The following C1orf198 variants were observed in gnomAD, a reference collection of about 807,000 sequenced individuals.
The protein encoded by C1orf198 is uncharacterized protein C1orf198.
A neutral mutation model predicts 31.4 loss-of-function variants in C1orf198; 17 were observed. The observed-to-expected ratio is 0.54, with a 90% CI of 0.37 to 0.81. The LOEUF is 0.81. Among genes scored for constraint, C1orf198 ranks in the 40% least tolerant of loss-of-function variants. The pLI is 0.00. For missense variants in C1orf198, 401 were observed against 450.3 expected, an observed-to-expected ratio of 0.89 and a Z score of 0.99; for synonymous variants, 175 against 193.8, an observed-to-expected ratio of 0.90 and a Z score of 0.81.
chr1:230,846,539 A>G (rs1045433488), intron 2 of C1orf198, among the ~76,000 whole-genome samples: 1 of 152,224 alleles, frequency 6.6e-6, no homozygotes, highest in Admixed American at 6.5e-5. Flanking sequence ...TGAGTCTGAG[A>G]TTTCTAAAAG....
intron 3 of C1orf198, among the ~76,000 whole-genome samples, chr1:230,841,090 T>C (rs2102970359): frequency 6.6e-6 from 1 of 152,290 alleles, no homozygotes; most frequent in South Asian, 2.1e-4. Context: ...AAGCCCTCAG[T>C]GCCGAGTCTC....
intron 2 of C1orf198, among the ~76,000 whole-genome samples, chr1:230,851,790 G>A (rs1669752523): frequency 6.6e-6 from 1 of 152,222 alleles, no homozygotes. Context: ...GTGCACAGCT[G>A]CTACTGTGAG....
At chr1:230,855,270 C>T (rs914214247) in intron 2 of C1orf198, among the ~76,000 whole-genome samples, 1 of 152,222 alleles carries the variant, frequency 6.6e-6, no homozygotes, top group African/African-American at 2.4e-5. Flanking sequence ...CAGCTCGTCA[C>T]CTCCCATTTG....
chr1:230,837,826 C>A lies in C1orf198; in HGVS notation c.*2026G>T, dbSNP rs1167871314. The stretch of plus-strand genomic sequence containing the variant: ...TTATTGCTGGGTGCTGGGCCCCAGA[C>A]GATACTAAGTGAGGCAGAAGCTTTC... On this transcript the variant is annotated 3_prime_UTR_variant, in exon 4 of 4. Coordinates refer to ENST00000366663, the MANE Select transcript of C1orf198 (RefSeq NM_032800.3). 6.6e-6 allele frequency: 1 copy of A among 152,208 alleles called. No homozygotes were observed. The highest frequency in any genetic ancestry group is 2.4e-5 in the African/African-American group (1 of 41,440). 9.4% of individuals were successfully genotyped at this position (152,208 alleles called of 1,614,324 possible). A position where few individuals can be genotyped will look rare whatever the true frequency, so the allele number is the denominator to read the frequency against.
At chr1:230,855,612 A>T in intron 2 of C1orf198, 56 bp downstream of exon 2, 1 of 1,562,014 alleles carries the variant, frequency 6.4e-7, no homozygotes, top group Non-Finnish European at 8.7e-7. Context: ...AGAAAAATAT[A>T]CAACTACTCA....
intron 1 of C1orf198, among the ~76,000 whole-genome samples, chr1:230,860,367 C>T (rs112319067): frequency 6.6e-6 from 1 of 152,010 alleles, no homozygotes; most frequent in African/African-American, 2.4e-5. Flanking sequence ...GGTATACACC[C>T]GAAAGAACTG....
At chr1:230,842,615 T>C (rs368650054) in intron 3 of C1orf198, among the ~76,000 whole-genome samples, 1 of 151,604 alleles carries the variant, frequency 6.6e-6, no homozygotes, top group East Asian at 1.9e-4. Context: ...GGGTGAGGGA[T>C]AAAAAACTAC....
In C1orf198 at chr1:230,864,454, AAG is replaced by A. The variant is rs1314636557; in HGVS notation, c.333+3724_333+3725del. Among the ~76,000 whole-genome samples, 20 of 152,320 alleles carry A rather than the reference AAG, an allele frequency of 1.3e-4. No homozygotes were observed. The East Asian group carries it at 3.9e-3, about 29-fold the overall frequency. ...AAAGGAAGCTAAGGCCAAGAGGAAT[AAG>A]AGAGCAACAGCAAGTCCTCAGGTTC... On this transcript the variant is annotated intron_variant, in intron 1 of 3. Coordinates refer to ENST00000366663, the MANE Select transcript of C1orf198 (RefSeq NM_032800.3).
intron 1 of C1orf198, among the ~76,000 whole-genome samples, chr1:230,856,314 A>T (rs892575243): frequency 6.6e-6 from 1 of 152,112 alleles, no homozygotes; most frequent in Non-Finnish European, 1.5e-5. Flanking sequence ...AATGTAATCC[A>T]TGTGACTAAT....
intron 2 of C1orf198, among the ~76,000 whole-genome samples, chr1:230,845,209 AAAAAATT>A (rs1292997671): frequency 1.8e-5 from 2 of 110,816 alleles, no homozygotes; most frequent in African/African-American, 9.7e-5. Context: ...CTAAAAATTA[AAAAAATT>A]AAAAAAAAAA....
At chr1:230,845,418 T>C (rs1037075062) in intron 2 of C1orf198, among the ~76,000 whole-genome samples, 13 of 150,850 alleles carry the variant, frequency 8.6e-5, no homozygotes, top group Non-Finnish European at 1.2e-4. Context: ...GCACGATGGC[T>C]CACGCCTGTA....
chr1:230,868,060 T>C, intron 1 of C1orf198, 120 bp downstream of exon 1: 1 of 939,348 alleles, frequency 1.1e-6, no homozygotes, highest in Non-Finnish European at 1.4e-6. Context: ...CTGCCATTCC[T>C]GCCTTTTCTT....
At chr1:230,867,318 A>G (rs1373671415) in intron 1 of C1orf198, among the ~76,000 whole-genome samples, 1 of 152,194 alleles carries the variant, frequency 6.6e-6, no homozygotes, top group Admixed American at 6.5e-5. Context: ...TGAACCCTAC[A>G]GAAGATTCAG....
In C1orf198 at chr1:230,857,725, T is replaced by A. The variant is rs956157000; in HGVS notation, c.334-2007A>T. On this transcript the variant is annotated intron_variant, in intron 1 of 3. Transcript: ENST00000366663. This position sits in a 1 kb window ranked among gnomAD's most constrained non-coding sequence, Gnocchi z 4.2. ...TATAAAAGGACTAAATATATTTATA[T>A]CAGGAAAAAAAACACCACTAACAAA... is the stretch of plus-strand genomic sequence containing the variant. 2.6e-5 allele frequency among the ~76,000 whole-genome samples: 4 copies of A among 152,008 alleles called. No homozygotes were observed. In the South Asian group the frequency reaches 8.3e-4, roughly 32 times the overall value.
At chr1:230,858,455 A>G (rs1669929107) in intron 1 of C1orf198, among the ~76,000 whole-genome samples, 1 of 152,172 alleles carries the variant, frequency 6.6e-6, no homozygotes, top group Non-Finnish European at 1.5e-5. Flanking sequence ...TCCACACCCC[A>G]CACTCACACA....
intron 1 of C1orf198, among the ~76,000 whole-genome samples, chr1:230,858,709 T>C (rs1211099465): frequency 1.3e-5 from 2 of 152,240 alleles, no homozygotes; most frequent in Non-Finnish European, 2.9e-5. Flanking sequence ...GGGTGGGGCA[T>C]GATGGAGCTG....
chr1:230,846,123 G>A (rs1489761163), intron 2 of C1orf198, among the ~76,000 whole-genome samples: 5 of 152,146 alleles, frequency 3.3e-5, no homozygotes, highest in Admixed American at 1.3e-4. Flanking sequence ...CCCATTTTGG[G>A]TTAATTTCTT....
chr1:230,847,303 A>G (rs533278222), intron 2 of C1orf198, among the ~76,000 whole-genome samples: 39 of 152,036 alleles, frequency 2.6e-4, no homozygotes, highest in Middle Eastern at 6.8e-3. Flanking sequence ...GAAAAAAAAG[A>G]AACAGCCATC....
At chr1:230,845,853 C>A (rs558430688) in intron 2 of C1orf198, among the ~76,000 whole-genome samples, 1 of 152,228 alleles carries the variant, frequency 6.6e-6, no homozygotes, top group South Asian at 2.1e-4. Flanking sequence ...TTCTATGTAA[C>A]CATTTTCATA....
Sources: allele counts gnomAD v4.1 joint callset (sites outside exome capture counted in the v4.1 genomes callset), GRCh38; gene constraint gnomAD v4.1.1; non-coding constraint Gnocchi (gnomAD v3.1); transcripts MANE v1.5; gene names NCBI Gene and HGNC (gene_info 2026-07-23, HGNC 2026-07-21).